BACE2: variants seen among roughly 807,000 people sequenced by gnomAD.
BACE2 encodes beta-secretase 2, also known as 56 kDa aspartic-like protease.
In BACE2, 17 loss-of-function variants were observed where a neutral mutation model predicts 46.2. That is an observed-to-expected ratio of 0.37 (90% CI 0.25 to 0.55). BACE2 has a LOEUF of 0.55. BACE2 is among the 20% of genes least tolerant of loss of function. BACE2 has a pLI of 0.82. For synonymous variants in BACE2, 277 were observed against 295.9 expected, an observed-to-expected ratio of 0.94 and a Z score of 0.66; for missense variants, 595 against 698.1, an observed-to-expected ratio of 0.85 and a Z score of 1.66.
At chr21:41,274,515 C>T (rs112633423) in intron 8 of BACE2, among the ~76,000 whole-genome samples, 40 of 152,066 alleles carry the variant, frequency 2.6e-4, no homozygotes, top group Non-Finnish European at 4.6e-4. Flanking sequence ...ATTTCTTTTC[C>T]GTATTGCAAG....
chr21:41,197,560 A>T (rs1985785007), intron 1 of BACE2, among the ~76,000 whole-genome samples: 1 of 152,148 alleles, frequency 6.6e-6, no homozygotes, highest in Non-Finnish European at 1.5e-5. Context: ...ACCAAAATGG[A>T]GTAAGTTGGC....
intron 1 of BACE2, among the ~76,000 whole-genome samples, chr21:41,212,764 C>T (rs1986339485): frequency 2.6e-5 from 4 of 152,182 alleles, no homozygotes; most frequent in Admixed American, 6.5e-5. Flanking sequence ...AATCTCACTC[C>T]TGAGGTTACA....
intron 1 of BACE2, among the ~76,000 whole-genome samples, chr21:41,206,910 T>C (rs995377657): frequency 1.3e-5 from 2 of 152,240 alleles, no homozygotes; most frequent in Non-Finnish European, 2.9e-5. Context: ...AGCAGGCGTA[T>C]ATGCCTTATC....
chr21:41,245,103 TAA>T (rs1427492764), intron 5 of BACE2, among the ~76,000 whole-genome samples: 4 of 152,236 alleles, frequency 2.6e-5, no homozygotes, highest in South Asian at 2.1e-4. Flanking sequence ...ATGAACACGC[TAA>T]GTTAGATTTT....
Position 41,275,596 on chromosome 21 carries a change from C to A in BACE2, c.1529C>A (p.Ser510Tyr). The stretch of plus-strand genomic sequence containing the variant: ...GACCCTGAGGTCGTCAATGATGAGT[C>A]CTCTCTGGTCAGACATCGCTGGAAA... ...PRDPEVVNDESSLVRHRWK is the reference protein window; with the variant it reads ...PRDPEVVNDEYSLVRHRWK The change falls in exon 9 of 9, where the codon TCC becomes TAC. Residue 510 changes from serine (S) to tyrosine (Y), a missense_variant. Coordinates refer to ENST00000330333, the MANE Select transcript of BACE2 (RefSeq NM_012105.5). 1 of 1,613,944 alleles carries A rather than the reference C, an allele frequency of 6.2e-7. No homozygotes were observed. Among genetic ancestry groups the A allele is most frequent in the South Asian group, 1.1e-5 (1 of 91,056 alleles).
chr21:41,254,303 C>A (rs149471782), intron 7 of BACE2, among the ~76,000 whole-genome samples: 2 of 152,164 alleles, frequency 1.3e-5, no homozygotes, highest in Non-Finnish European at 2.9e-5. Flanking sequence ...CCCTACTTGA[C>A]CTGCTCTTCA....
At chr21:41,221,389 G>A (rs770220943) in intron 1 of BACE2, among the ~76,000 whole-genome samples, 32 of 152,156 alleles carry the variant, frequency 2.1e-4, no homozygotes, top group African/African-American at 7.2e-5. Flanking sequence ...AACTGTGTGT[G>A]CAGAACCTAC....
intron 1 of BACE2, among the ~76,000 whole-genome samples, chr21:41,194,891 T>C (rs1484848414): frequency 2.6e-5 from 4 of 152,200 alleles, no homozygotes; most frequent in Admixed American, 6.5e-5. Flanking sequence ...CATCTGAAAG[T>C]CTGTTTACTG....
intron 3 of BACE2, among the ~76,000 whole-genome samples, chr21:41,241,401 C>T (rs1376471970): frequency 2.0e-5 from 3 of 152,140 alleles, no homozygotes; most frequent in Non-Finnish European, 4.4e-5. Flanking sequence ...ACAGCTGCGG[C>T]TGACAGGCAA....
At chr21:41,271,904 T>C (rs1277174850) in intron 8 of BACE2, among the ~76,000 whole-genome samples, 1 of 152,200 alleles carries the variant, frequency 6.6e-6, no homozygotes, top group East Asian at 1.9e-4. Context: ...ATAACTACTA[T>C]ATACTTCCCG....
chr21:41,183,294 A>T (rs1230811250), intron 1 of BACE2: 1 of 166,876 alleles, frequency 6.0e-6, no homozygotes. Context: ...ATTTTAGAAG[A>T]TACAAGATTC....
At chr21:41,214,198 A>C (rs1037216708) in intron 1 of BACE2, among the ~76,000 whole-genome samples, 1 of 152,212 alleles carries the variant, frequency 6.6e-6, no homozygotes, top group Non-Finnish European at 1.5e-5. Context: ...GGTGCCAGGC[A>C]CTGGTACATG....
At position 41,222,972 on chromosome 21, in the gene BACE2, T is replaced by C. The variant is rs79689939; in HGVS notation, c.313-3294T>C. Among the ~76,000 whole-genome samples, 1,129 of 152,264 alleles carry C rather than the reference T, an allele frequency of 7.4e-3. 9 individuals carry two copies. Among genetic ancestry groups the C allele is most frequent in the African/African-American group, 0.026 (1,093 of 41,558 alleles). On this transcript the variant is annotated intron_variant, in intron 1 of 8. Transcript: ENST00000330333. ...AGGGGTGGGGGCAGCTGGAGCTCAA[T>C]TCGGGACACGCCAGGCGTGAGATGA...
intron 1 of BACE2, among the ~76,000 whole-genome samples, chr21:41,212,972 T>G (rs1236641743): frequency 1.3e-5 from 2 of 152,214 alleles, no homozygotes; most frequent in East Asian, 3.8e-4. Context: ...ACACATGATT[T>G]AGGAGTTTGG....
At chr21:41,185,112 T>G (rs1344945239) in intron 1 of BACE2, 1 of 167,080 alleles carries the variant, frequency 6.0e-6, no homozygotes, top group Non-Finnish European at 1.5e-5. Flanking sequence ...ATTAAGGATC[T>G]CTCTACAGAG....
At chr21:41,254,566 A>G (rs188299161) in intron 7 of BACE2, among the ~76,000 whole-genome samples, 1 of 152,312 alleles carries the variant, frequency 6.6e-6, no homozygotes, top group Non-Finnish European at 1.5e-5. Context: ...GCATTTTGTC[A>G]TACTCAGCTG....
intron 1 of BACE2, among the ~76,000 whole-genome samples, chr21:41,208,740 C>T (rs1266567009): frequency 1.3e-5 from 2 of 152,084 alleles, no homozygotes; most frequent in East Asian, 3.9e-4. Flanking sequence ...TGCCACCCCA[C>T]CCTGCCCTCT....
chr21:41,244,710 T>C (rs889095650), intron 5 of BACE2, among the ~76,000 whole-genome samples: 1 of 152,156 alleles, frequency 6.6e-6, no homozygotes, highest in Non-Finnish European at 1.5e-5. Context: ...TAGCTTGGGC[T>C]CAGAGGCCTG....
At chr21:41,251,851 C>T (rs1035372675) in intron 7 of BACE2, among the ~76,000 whole-genome samples, 3 of 151,980 alleles carry the variant, frequency 2.0e-5, no homozygotes, top group Admixed American at 1.3e-4. Flanking sequence ...AAAAGAAAAA[C>T]TAGATTGCCC....
Sources: gnomAD v4.1 joint callset for allele counts (sites outside exome capture counted in the v4.1 genomes callset) on GRCh38, gnomAD v4.1.1 for gene constraint, MANE v1.5 for transcripts, NCBI Gene and HGNC (gene_info 2026-07-23, HGNC 2026-07-21) for gene names.